FSTL5: variants seen among roughly 807,000 people sequenced by gnomAD.
The protein encoded by FSTL5 is follistatin-related protein 5.
A neutral mutation model predicts 89.1 loss-of-function variants in FSTL5; 62 were observed. That is an observed-to-expected ratio of 0.70 (90% confidence interval 0.57 to 0.86). The LOEUF (loss-of-function observed/expected upper bound fraction) is 0.86, where lower values mean the gene tolerates loss of function less well. Among genes scored for constraint, FSTL5 ranks in the 40% least tolerant of loss-of-function variants. FSTL5 has a pLI of 0.00. For synonymous variants in FSTL5, 383 were observed against 346.2 expected (o/e 1.11, Z -1.18); for missense variants, 1,057 against 1,001.6 (o/e 1.06, Z -0.75).
At chr4:161,676,649 A>G (rs1474085852) in intron 6 of FSTL5, among the ~76,000 whole-genome samples, 1 of 152,034 alleles carries the variant, frequency 6.6e-6, no homozygotes. Flanking sequence ...AACTTAAAGT[A>G]TAATAAATTT....
chr4:161,530,824 C>T (rs1578902968), intron 10 of FSTL5, among the ~76,000 whole-genome samples: 1 of 152,084 alleles, frequency 6.6e-6, no homozygotes, highest in South Asian at 2.1e-4. Flanking sequence ...CCTATGTTCA[C>T]ATCACTTTTT....
rs1455432625 is a variant in FSTL5 at position 162,147,493 on chromosome 4, G to GT, written c.-17+16121dup. On this transcript the variant is annotated intron_variant, in intron 1 of 15. Transcript: ENST00000306100. Reference sequence around the variant, plus strand: ...TAAAGTATGGCCAATAACAAAAGCAGTAAGATTTATTTGTAGTACAGAATT... The same window carrying GT: ...TAAAGTATGGCCAATAACAAAAGCAGTTAAGATTTATTTGTAGTACAGAATT... Among the ~76,000 whole-genome samples the GT allele has an allele frequency of 2.0e-5, 3 of 152,064 alleles. No individual in the cohort carries two copies. The East Asian group carries it at 5.8e-4, about 29-fold the overall frequency.
At chr4:161,566,296 G>A (rs1188397561) in intron 8 of FSTL5, among the ~76,000 whole-genome samples, 1 of 151,146 alleles carries the variant, frequency 6.6e-6, no homozygotes, top group Non-Finnish European at 1.5e-5. Flanking sequence ...ACTTATAAGT[G>A]GAAGCTAAGC....
intron 15 of FSTL5, among the ~76,000 whole-genome samples, chr4:161,397,026 G>A (rs1038680662): frequency 3.9e-5 from 6 of 152,136 alleles, no homozygotes; most frequent in African/African-American, 1.4e-4. Flanking sequence ...GATGGGAGTA[G>A]CACTTTACAA....
intron 9 of FSTL5, among the ~76,000 whole-genome samples, chr4:161,541,738 T>C (rs1315477240): frequency 6.6e-6 from 1 of 151,862 alleles, no homozygotes; most frequent in African/African-American, 2.4e-5. Flanking sequence ...ATAAAGAAAA[T>C]TAAAGTCATA....
intron 1 of FSTL5, among the ~76,000 whole-genome samples, chr4:162,143,431 T>C (rs898257673): frequency 1.3e-5 from 2 of 152,174 alleles, no homozygotes; most frequent in African/African-American, 4.8e-5. Flanking sequence ...TGAGAGCAAA[T>C]GATTGTTTTG....
At chr4:161,857,034 T>C (rs916185620) in intron 4 of FSTL5, among the ~76,000 whole-genome samples, 1 of 152,124 alleles carries the variant, frequency 6.6e-6, no homozygotes, top group African/African-American at 2.4e-5. Flanking sequence ...TTGATTATTG[T>C]GTGAAGCTTG....
At chr4:161,952,231 A>G (rs1734915768) in intron 3 of FSTL5, among the ~76,000 whole-genome samples, 1 of 152,156 alleles carries the variant, frequency 6.6e-6, no homozygotes, top group East Asian at 1.9e-4. Flanking sequence ...TTTTGATAGA[A>G]AAAACTTTTG....
chr4:161,562,219 T>A (rs1732630421), intron 8 of FSTL5, among the ~76,000 whole-genome samples: 1 of 151,982 alleles, frequency 6.6e-6, no homozygotes, highest in Non-Finnish European at 1.5e-5. Flanking sequence ...ATCACACCAC[T>A]ATCATTACTG....
intron 15 of FSTL5, among the ~76,000 whole-genome samples, chr4:161,423,847 A>C (rs1732075033): frequency 6.7e-6 from 1 of 150,222 alleles, no homozygotes; most frequent in Non-Finnish European, 1.5e-5. Context: ...ATTTTATTTT[A>C]TTTTATTTTA....
intron 2 of FSTL5, among the ~76,000 whole-genome samples, chr4:162,089,569 G>T (rs1730455968): frequency 6.7e-6 from 1 of 149,660 alleles, no homozygotes. Flanking sequence ...GGAGGCGGAG[G>T]TTGCAGTGAG....
At position 161,455,138 on chromosome 4, in the gene FSTL5, A is replaced by G; in HGVS notation, c.1717-10T>C. The G allele has an allele frequency of 6.3e-7, 1 of 1,593,710 alleles. No homozygotes were observed. The highest frequency in any genetic ancestry group is 8.5e-7 in the Non-Finnish European group (1 of 1,172,112). On this transcript the variant is annotated splice_polypyrimidine_tract_variant and intron_variant, in intron 14 of 15. Coordinates refer to ENST00000306100, the MANE Select transcript of FSTL5 (RefSeq NM_020116.5). ...TGGCCAGGGTAATTACCTAAAGAGA[A>G]CACACCTTGGTTAGACCTCAACAAT...
chr4:161,581,788 G>A (rs571770994), intron 8 of FSTL5, among the ~76,000 whole-genome samples: 1 of 152,222 alleles, frequency 6.6e-6, no homozygotes, highest in Non-Finnish European at 1.5e-5. Flanking sequence ...TATTATGTAT[G>A]AGGGCTTAAA....
intron 3 of FSTL5, among the ~76,000 whole-genome samples, chr4:161,964,327 C>A (rs1397714705): frequency 1.3e-5 from 2 of 151,994 alleles, no homozygotes; most frequent in Non-Finnish European, 2.9e-5. Flanking sequence ...ATTTAATTAA[C>A]AATCAATTTG....
At chr4:161,928,295 T>C (rs1200829841) in intron 3 of FSTL5, among the ~76,000 whole-genome samples, 1 of 151,836 alleles carries the variant, frequency 6.6e-6, no homozygotes, top group African/African-American at 2.4e-5. Context: ...ATGGTTTATT[T>C]ATCCATTCAC....
At chr4:161,839,691 G>T (rs1430703956) in intron 4 of FSTL5, among the ~76,000 whole-genome samples, 1 of 152,154 alleles carries the variant, frequency 6.6e-6, no homozygotes, top group Non-Finnish European at 1.5e-5. Context: ...TTAAAAAGTG[G>T]TGGTATTTTT....
rs533320332 is a variant in FSTL5, at chr4:161,912,230, T to C, written c.409+8174A>G. 6.6e-5 allele frequency among the ~76,000 whole-genome samples: 10 copies of C among 152,336 alleles called. No homozygotes were observed. In the South Asian group the frequency reaches 1.4e-3, roughly 22 times the overall value. On this transcript the variant is annotated intron_variant, in intron 4 of 15. Transcript: ENST00000306100. ...TTGCTTTTCAATATTTTGTAAGTTATAGAAATATTGCATTCAGCATTTGAC... is the reference window on the plus strand; with the variant it reads ...TTGCTTTTCAATATTTTGTAAGTTACAGAAATATTGCATTCAGCATTTGAC...
chr4:161,678,633 G>A (rs1737406234), intron 6 of FSTL5, among the ~76,000 whole-genome samples: 1 of 151,840 alleles, frequency 6.6e-6, no homozygotes, highest in Admixed American at 6.6e-5. Flanking sequence ...TGCAAACTCA[G>A]TGAAGGTGGA....
chr4:162,124,260 C>A (rs1731983035), intron 1 of FSTL5, among the ~76,000 whole-genome samples: 1 of 152,132 alleles, frequency 6.6e-6, no homozygotes, highest in African/African-American at 2.4e-5. Flanking sequence ...TTATATGCAA[C>A]TCCATCAAGA....
Sources: allele counts gnomAD v4.1 joint callset (sites outside exome capture counted in the v4.1 genomes callset), GRCh38; gene constraint gnomAD v4.1.1; transcripts MANE v1.5; gene names NCBI Gene and HGNC (gene_info 2026-07-23, HGNC 2026-07-21).